Variants in FNBP1 observed in about 807,000 individuals in gnomAD.
FNBP1 encodes the protein formin binding protein 1.
Under a neutral mutation model 90.6 loss-of-function variants are expected in FNBP1, and 26 were observed. The ratio of observed to expected loss-of-function variants is 0.29; its 90% CI spans 0.21 to 0.40. FNBP1 has a LOEUF of 0.40. FNBP1 is among the 10% of genes least tolerant of loss of function. The pLI is 1.00. For synonymous variants in FNBP1, 260 were observed against 265.2 expected (o/e 0.98, Z 0.19); for missense variants, 635 against 768.0 (o/e 0.83, Z 2.05).
intron 2 of FNBP1, among the ~76,000 whole-genome samples, chr9:129,991,027 G>C (rs892655551): frequency 7.4e-5 from 11 of 148,788 alleles, no homozygotes; most frequent in African/African-American, 2.5e-4. Context: ...TCTGCCTCCT[G>C]GGTTCAAGGG....
At chr9:130,005,521 T>G (rs2055564908) in intron 1 of FNBP1, among the ~76,000 whole-genome samples, 1 of 151,892 alleles carries the variant, frequency 6.6e-6, no homozygotes, top group Admixed American at 6.6e-5. Flanking sequence ...TTTTGTATTT[T>G]TAGTAGAGAT....
At chr9:129,938,417 C>T (rs1239687791) in intron 6 of FNBP1, among the ~76,000 whole-genome samples, 2 of 152,040 alleles carry the variant, frequency 1.3e-5, no homozygotes, top group African/African-American at 4.8e-5. Context: ...AGGCCAGGAG[C>T]TTGCCAAAAC....
chr9:129,944,569 G>T (rs2044915292), intron 6 of FNBP1, among the ~76,000 whole-genome samples: 1 of 150,776 alleles, frequency 6.6e-6, no homozygotes. Context: ...AGACTAAAGG[G>T]TAAGAGATGA....
chr9:129,995,253 C>A (rs762095665), intron 1 of FNBP1, among the ~76,000 whole-genome samples: 1 of 152,128 alleles, frequency 6.6e-6, no homozygotes, highest in Non-Finnish European at 1.5e-5. Context: ...CATTCCCAGA[C>A]GCCAAAAACC....
chr9:130,017,915 CT>C (rs1233394287), intron 1 of FNBP1, among the ~76,000 whole-genome samples: 42 of 51,570 alleles, frequency 8.1e-4, no homozygotes, highest in Admixed American at 1.4e-3. Flanking sequence ...CAACACTCTT[CT>C]TTTTTTTTTT....
chr9:129,923,947 C>G lies in FNBP1; in HGVS notation c.1067G>C (p.Gly356Ala). 1 of 1,572,798 alleles carries G rather than the reference C, an allele frequency of 6.4e-7. No homozygotes were observed. Residue 356 changes from glycine to alanine, a missense_variant, in exon 10 of 17, where the codon GGC becomes GCC. Gly to Ala is a moderately conservative substitution (Grantham distance 60). Coordinates refer to ENST00000446176, the MANE Select transcript of FNBP1 (RefSeq NM_015033.3). The part of the protein sequence containing the change: ...ASASPSAVPN[G>A]PQSPKQQKEP... ...CTTTTGCTGCTTGGGAGACTGGGGG[C>G]CGTTGGGAACAGCAGAGGGTGAGGC...
At chr9:129,894,681 G>A (rs997105169) in intron 16 of FNBP1, among the ~76,000 whole-genome samples, 1 of 152,166 alleles carries the variant, frequency 6.6e-6, no homozygotes, top group Non-Finnish European at 1.5e-5. Context: ...AGTGTGAGAG[G>A]AAATCACAGC....
chr9:129,902,612 G>A (rs1273120803), intron 13 of FNBP1, among the ~76,000 whole-genome samples: 1 of 151,934 alleles, frequency 6.6e-6, no homozygotes, highest in Non-Finnish European at 1.5e-5. Context: ...AAACAACCCC[G>A]CCAACCCCGC....
At position 129,923,957 on chromosome 9, in the gene FNBP1, C is replaced by T. The variant is rs2041500816; in HGVS notation, c.1057G>A (p.Val353Ile). The change falls in exon 10 of 17, where the codon GTT becomes ATT. Residue 353 changes from valine (V) to isoleucine (I), a missense_variant. By Grantham distance (29) the Val-to-Ile change is conservative. Coordinates refer to ENST00000446176, the MANE Select transcript of FNBP1 (RefSeq NM_015033.3). Reference sequence around the variant, plus strand: ...TTGGGAGACTGGGGGCCGTTGGGAACAGCAGAGGGTGAGGCAGAGGCAGGA... The same window carrying T: ...TTGGGAGACTGGGGGCCGTTGGGAATAGCAGAGGGTGAGGCAGAGGCAGGA... ...PPPASASPSA[V>I]PNGPQSPKQQ... 2.6e-6 allele frequency: 4 copies of T among 1,544,220 alleles called. No individual in the cohort carries two copies. Among genetic ancestry groups the T allele is most frequent in the East Asian group, 2.5e-5 (1 of 40,758 alleles).
chr9:129,914,070 G>A (rs1259797483), intron 11 of FNBP1, among the ~76,000 whole-genome samples: 1 of 151,564 alleles, frequency 6.6e-6, no homozygotes, highest in Non-Finnish European at 1.5e-5. Flanking sequence ...TGCTCAGGCT[G>A]GTCTAGAACT....
At chr9:129,941,480 A>G (rs2044316224) in intron 6 of FNBP1, among the ~76,000 whole-genome samples, 1 of 152,152 alleles carries the variant, frequency 6.6e-6, no homozygotes, top group Non-Finnish European at 1.5e-5. Flanking sequence ...TTTTGTTTTT[A>G]ACTGAGACAG....
At position 130,015,548 on chromosome 9, in the gene FNBP1, A is replaced by G. The variant is rs180976777; in HGVS notation, c.25-20590T>C. The stretch of plus-strand genomic sequence containing the variant: ...TTACTAGAAAAGGTGAACCAATTAC[A>G]CACTCACCAACAGTATACAAGGATC... On this transcript the variant is annotated intron_variant, in intron 1 of 16. Transcript: ENST00000446176. 5.6e-4 allele frequency among the ~76,000 whole-genome samples: 86 copies of G among 152,336 alleles called. 2 individuals carry two copies. The highest frequency in any genetic ancestry group is 2.0e-3 in the African/African-American group (84 of 41,576).
At chr9:129,978,719 C>T (rs2130894964) in intron 3 of FNBP1, 107 bp from the exon 4 acceptor site, 1 of 1,060,044 alleles carries the variant, frequency 9.4e-7, no homozygotes, top group Non-Finnish European at 1.4e-6. Flanking sequence ...TTGGCATCCA[C>T]CTCCCATAGG....
intron 4 of FNBP1, among the ~76,000 whole-genome samples, chr9:129,965,283 T>A (rs2048385172): frequency 6.6e-6 from 1 of 152,224 alleles, no homozygotes; most frequent in Non-Finnish European, 1.5e-5. Context: ...AAGGCTTATT[T>A]TTCCAAGTTT....
At chr9:129,993,752 G>A (rs947622721) in intron 2 of FNBP1, among the ~76,000 whole-genome samples, 1 of 151,458 alleles carries the variant, frequency 6.6e-6, no homozygotes, top group Non-Finnish European at 1.5e-5. Flanking sequence ...ACCCTCCCAA[G>A]TAGCTGGGAT....
In FNBP1 at chr9:129,990,187, T is replaced by G. The variant is rs1441956340; in HGVS notation, c.140+4656A>C. Among the ~76,000 whole-genome samples the G allele has an allele frequency of 1.3e-5, 2 of 152,240 alleles. 1 individual carries two copies. Among genetic ancestry groups the G allele is most frequent in the South Asian group, 4.1e-4 (2 of 4,836 alleles). On this transcript the variant is annotated intron_variant, in intron 2 of 16. Transcript: ENST00000446176. ...AGCGTATACATATTTCAAGACATCA[T>G]GTATACCATAAATATATACAATTTT...
chr9:130,005,818 T>C (rs2055615324), intron 1 of FNBP1, among the ~76,000 whole-genome samples: 1 of 152,222 alleles, frequency 6.6e-6, no homozygotes, highest in African/African-American at 2.4e-5. Context: ...CCAAACACTA[T>C]GGTGACTTAG....
chr9:129,932,169 C>T (rs1248068067), intron 6 of FNBP1, among the ~76,000 whole-genome samples: 3 of 151,724 alleles, frequency 2.0e-5, no homozygotes, highest in Non-Finnish European at 4.4e-5. Flanking sequence ...CGAGATCGCA[C>T]CACTGCACTC....
At chr9:129,938,283 A>ACT (rs2043797573) in intron 6 of FNBP1, among the ~76,000 whole-genome samples, 1 of 152,194 alleles carries the variant, frequency 6.6e-6, no homozygotes, top group Non-Finnish European at 1.5e-5. Context: ...TGGATGATAA[A>ACT]CGGCATTGTT....
Sources: allele counts gnomAD v4.1 joint callset (sites outside exome capture counted in the v4.1 genomes callset), GRCh38; gene constraint gnomAD v4.1.1; transcripts MANE v1.5; gene names NCBI Gene and HGNC (gene_info 2026-07-23, HGNC 2026-07-21).